RREB1: variants seen among roughly 807,000 people sequenced by gnomAD.
RREB1 encodes ras responsive element binding protein 1.
Under a neutral mutation model 117.8 loss-of-function variants are expected in RREB1, and 27 were observed. The observed-to-expected ratio is 0.23, with a 90% CI of 0.17 to 0.32. RREB1 has a LOEUF of 0.32. Among genes scored for constraint, RREB1 ranks in the 10% least tolerant of loss-of-function variants. RREB1 has a pLI of 1.00. For missense variants in RREB1, 2,577 were observed against 2,378.2 expected (o/e 1.08, Z -1.74); for synonymous variants, 1,298 against 1,026.7 (o/e 1.26, Z -5.05).
chr6:7,248,950 G>A lies in RREB1; in HGVS notation c.5211G>A (p.Gln1737=), dbSNP rs1352913160. ...PILATADGAS[Q]LVGME ...TGGCCACAGCTGATGGCGCCTCCCA[G>A]CTCGTGGGGATGGAGTGACAGCCTC... Residue 1737 remains glutamine, a synonymous_variant, in exon 13 of 13, where the codon CAG becomes CAA. Transcript: ENST00000379938. The A allele has an allele frequency of 1.0e-5, 15 of 1,489,972 alleles. No homozygotes were observed. Among genetic ancestry groups the A allele is most frequent in the African/African-American group, 2.8e-5 (2 of 71,622 alleles). The allele number at this position is 1,489,972 out of a possible 1,614,324, so 92.3% of individuals were successfully genotyped here.
rs149196360 is a variant in RREB1 at position 7,192,405 on chromosome 6, C to T, written c.425+3083C>T. 8.9e-3 allele frequency among the ~76,000 whole-genome samples: 1,351 copies of T among 151,986 alleles called. 21 individuals are homozygous for T. The highest frequency in any genetic ancestry group is 0.03 in the African/African-American group (1,261 of 41,444). On this transcript the variant is annotated intron_variant, in intron 6 of 12. Transcript: ENST00000379938. ...ATGGGGTTTTGCTATGTTGGCCAGG[C>T]TGGTCTTGAACTGCCGACCTCAAGT... is the stretch of plus-strand genomic sequence containing the variant.
At chr6:7,247,282 A>G in intron 12 of RREB1, 61 bp downstream of exon 12, 1 of 1,488,100 alleles carries the variant, frequency 6.7e-7, no homozygotes, top group South Asian at 1.3e-5. Flanking sequence ...CACCTCTCCT[A>G]GGAGCTCCCC....
chr6:7,187,135 A>C lies in RREB1; in HGVS notation c.172-299A>C, dbSNP rs570578426. Among the ~76,000 whole-genome samples the C allele has an allele frequency of 2.6e-5, 4 of 152,372 alleles. No homozygotes were observed. The East Asian group carries it at 7.7e-4, about 29-fold the overall frequency. ...ATTATTAAGTGGTGTCTGTGTAATT[A>C]GAATGCTAGTATTGATTGAGTACTG... On this transcript the variant is annotated intron_variant, in intron 4 of 12. Transcript: ENST00000379938.
At chr6:7,123,943 T>C (rs1169776767) in intron 1 of RREB1, among the ~76,000 whole-genome samples, 1 of 152,160 alleles carries the variant, frequency 6.6e-6, no homozygotes, top group Non-Finnish European at 1.5e-5. Flanking sequence ...ATCTGTGATA[T>C]GTCCCTTCTT....
At chr6:7,163,646 G>A (rs868448033) in intron 1 of RREB1, among the ~76,000 whole-genome samples, 11 of 151,976 alleles carry the variant, frequency 7.2e-5, no homozygotes, top group South Asian at 4.1e-4. Flanking sequence ...TGCCCGCCTC[G>A]GCCTCCCAAA....
intron 1 of RREB1, among the ~76,000 whole-genome samples, chr6:7,175,919 CTTA>C (rs754845670): frequency 6.6e-6 from 1 of 152,148 alleles, no homozygotes; most frequent in Non-Finnish European, 1.5e-5. Context: ...TTGTATATTT[CTTA>C]TTATTTATTT....
intron 1 of RREB1, among the ~76,000 whole-genome samples, chr6:7,171,067 G>A (rs567797894): frequency 1.8e-4 from 28 of 152,292 alleles, no homozygotes; most frequent in Admixed American, 7.8e-4. Flanking sequence ...TCCCTGCCTC[G>A]TGTTGGTGGA....
At chr6:7,208,735 T>C (rs1470385112) in intron 6 of RREB1, among the ~76,000 whole-genome samples, 1 of 152,246 alleles carries the variant, frequency 6.6e-6, no homozygotes, top group African/African-American at 2.4e-5. Context: ...GAATGTTCTA[T>C]GCCTGAGCTG....
Position 7,246,979 on chromosome 6 carries a change from C to CGGCCCCGGGTGCCGGGGA in RREB1, c.4538_4555dup (p.Gly1513_Pro1518dup), listed in dbSNP as rs745663065. ...GAGACCCCGGCAGAGGTGGTGGAGT[C>CGGCCCCGGGTGCCGGGGA]GGCCCCGGGTGCCGGGGAGGCCCCG... On this transcript the variant is annotated inframe_insertion, in exon 12 of 13. Transcript: ENST00000379938. 8.3e-4 allele frequency: 1,307 copies of CGGCCCCGGGTGCCGGGGA among 1,581,766 alleles called. 3 individuals carry two copies. The highest frequency in any genetic ancestry group is 8.1e-4 in the Non-Finnish European group (940 of 1,165,050).
intron 6 of RREB1, among the ~76,000 whole-genome samples, chr6:7,200,716 C>G (rs1765925011): frequency 6.6e-6 from 1 of 152,358 alleles, no homozygotes; most frequent in Admixed American, 6.5e-5. Context: ...CAAGTGGACA[C>G]TGTCCCCTCA....
Position 7,246,731 on chromosome 6 carries a change from C to T in RREB1, c.4281C>T (p.Phe1427=), listed in dbSNP as rs1412919356. 8.2e-6 allele frequency: 13 copies of T among 1,580,430 alleles called. No homozygotes were observed. The highest frequency in any genetic ancestry group is 1.0e-5 in the Non-Finnish European group (12 of 1,163,792). ...DLDFATKLMD[F]KLAEGDGEAG... The stretch of plus-strand genomic sequence containing the variant: ...ACTTCGCCACCAAGCTCATGGACTT[C>T]AAGCTGGCGGAGGGCGACGGCGAGG... Residue 1427 remains phenylalanine (F), a synonymous_variant, in exon 12 of 13, where the codon TTC becomes TTT. Coordinates refer to ENST00000379938, the MANE Select transcript of RREB1 (RefSeq NM_001003699.4).
Position 7,240,512 on chromosome 6 carries a change from C to T in RREB1, c.3883C>T (p.Arg1295Cys), listed in dbSNP as rs371836158. 3.8e-5 allele frequency: 62 copies of T among 1,613,730 alleles called. No homozygotes were observed. Among genetic ancestry groups the T allele is most frequent in the Non-Finnish European group, 5.0e-5 (59 of 1,179,862 alleles). The change falls in exon 11 of 13, where the codon CGC becomes TGC. Residue 1295 changes from arginine to cysteine, a missense_variant. Physicochemically the swap from Arg to Cys is radical, Grantham distance 180. Transcript: ENST00000379938. ...ATCTAACTGTGAACGCCACCAGTTG[C>T]GCAAACACGGAGTTACCACCTGTTC... Reference protein sequence around the residue: ...TKSNCERHQLRKHGVTTCSLR... With the variant: ...TKSNCERHQLCKHGVTTCSLR...
chr6:7,208,402 C>T (rs1311967560), intron 6 of RREB1, among the ~76,000 whole-genome samples: 1 of 152,208 alleles, frequency 6.6e-6, no homozygotes, highest in Non-Finnish European at 1.5e-5. Flanking sequence ...GGCCGGACCC[C>T]TCCAACCCTG....
Position 7,229,497 on chromosome 6 carries a change from G to A in RREB1, c.1398G>A (p.Glu466=), listed in dbSNP as rs1561794047. The A allele has an allele frequency of 1.9e-6, 3 of 1,614,168 alleles. No homozygotes were observed. Among genetic ancestry groups the A allele is most frequent in the East Asian group, 2.2e-5 (1 of 44,892 alleles). Reference sequence around the variant, plus strand: ...CCATCTCTGGCGAGTCGGCCATCGAGCTGGCAGACATCCAGCAAATTCTGA... The same window carrying A: ...CCATCTCTGGCGAGTCGGCCATCGAACTGGCAGACATCCAGCAAATTCTGA... The part of the protein sequence containing the change: ...VKPISGESAI[E]LADIQQILKM... The change falls in exon 10 of 13, where the codon GAG becomes GAA. Residue 466 remains glutamate (E), a synonymous_variant. Transcript: ENST00000379938. This position sits in a 1 kb window ranked among gnomAD's most constrained non-coding sequence, Gnocchi z 4.5.
intron 9 of RREB1, 123 bp downstream of exon 9, chr6:7,226,779 T>C: frequency 1.3e-6 from 1 of 751,306 alleles, no homozygotes; most frequent in Non-Finnish European, 2.2e-6. Flanking sequence ...TTTGTCTTTT[T>C]TTGTAACACC....
chr6:7,131,059 C>T (rs1762137954), intron 1 of RREB1, among the ~76,000 whole-genome samples: 1 of 151,098 alleles, frequency 6.6e-6, no homozygotes, highest in South Asian at 2.1e-4. Context: ...CTGCCTCAGC[C>T]TCCGGAGTAG....
intron 8 of RREB1, chr6:7,213,624 A>G (rs914235055): frequency 6.6e-6 from 1 of 152,270 alleles, no homozygotes; most frequent in Non-Finnish European, 1.5e-5. Flanking sequence ...GGTGGGTGGC[A>G]AATACTGAAA....
intron 1 of RREB1, among the ~76,000 whole-genome samples, chr6:7,109,018 C>G (rs1232241154): frequency 8.3e-6 from 1 of 120,392 alleles, no homozygotes; most frequent in African/African-American, 3.2e-5. Context: ...TAGCCTGCCT[C>G]GCGGGCGGGG....
chr6:7,118,294 T>C (rs1761503212), intron 1 of RREB1, among the ~76,000 whole-genome samples: 1 of 152,112 alleles, frequency 6.6e-6, no homozygotes, highest in Admixed American at 6.6e-5. Flanking sequence ...CTAATTTTTG[T>C]ATTTTTAGTA....
Sources: allele counts gnomAD v4.1 joint callset (sites outside exome capture counted in the v4.1 genomes callset), GRCh38; gene constraint gnomAD v4.1.1; non-coding constraint Gnocchi (gnomAD v3.1); transcripts MANE v1.5; gene names NCBI Gene and HGNC (gene_info 2026-07-23, HGNC 2026-07-21).